Variants in CTNNA2 observed in about 807,000 individuals in gnomAD.
CTNNA2 encodes catenin alpha-2.
CTNNA2 carries 42 observed loss-of-function variants against 101.0 expected under a neutral mutation model. That is an observed-to-expected ratio of 0.42 (90% CI 0.32 to 0.54). CTNNA2 has a LOEUF of 0.54. CTNNA2 is among the 20% of genes least tolerant of loss of function. The probability of loss-of-function intolerance (pLI) is 0.14; values close to 1 mark genes in which losing one functional copy is unlikely to be tolerated. For missense variants in CTNNA2, 871 were observed against 1,223.1 expected (o/e 0.71, Z 4.29); for synonymous variants, 450 against 456.4 (o/e 0.99, Z 0.18).
intron 4 of CTNNA2, among the ~76,000 whole-genome samples, chr2:79,389,400 C>T (rs980576619): frequency 6.6e-6 from 1 of 152,174 alleles, no homozygotes; most frequent in Admixed American, 6.6e-5. Flanking sequence ...AAATTAACTA[C>T]TGCACTTCAC....
At position 79,886,522 on chromosome 2, in the gene CTNNA2, C is replaced by T. The variant is rs571031137; in HGVS notation, c.852+12180C>T. On this transcript the variant is annotated intron_variant, in intron 6 of 18. Transcript: ENST00000402739. ...ATCCCAGCACTTTGGGAGGCCGAGGCGGGCGGATCACGAGGTCAGGAGATC... is the reference window on the plus strand; with the variant it reads ...ATCCCAGCACTTTGGGAGGCCGAGGTGGGCGGATCACGAGGTCAGGAGATC... 1.1e-4 allele frequency among the ~76,000 whole-genome samples: 17 copies of T among 151,632 alleles called. No individual in the cohort carries two copies. The South Asian group carries it at 2.1e-3, about 19-fold the overall frequency.
intron 18 of CTNNA2, among the ~76,000 whole-genome samples, chr2:80,625,496 T>G (rs1671589123): frequency 6.6e-6 from 1 of 150,426 alleles, no homozygotes; most frequent in African/African-American, 2.5e-5. Context: ...TCAGGAAGAC[T>G]TCTTTGATAT....
At chr2:79,293,406 T>C (rs112270032) in intron 2 of CTNNA2, 3 of 152,154 alleles carry the variant, frequency 2.0e-5, no homozygotes, top group Non-Finnish European at 2.9e-5. Flanking sequence ...TTAAGAAATA[T>C]GAGAAAAACA....
At chr2:79,754,904 AG>A (rs1558900575) in intron 3 of CTNNA2, among the ~76,000 whole-genome samples, 1 of 152,166 alleles carries the variant, frequency 6.6e-6, no homozygotes. Context: ...ATTCTAGGAC[AG>A]AAAATGGGGA....
Position 79,432,186 on chromosome 2 carries a change from C to T in CTNNA2, c.-135+58173C>T, listed in dbSNP as rs150377337. On this transcript the variant is annotated intron_variant, in intron 4 of 21. Coordinates refer to the CTNNA2 transcript ENST00000466387. The stretch of plus-strand genomic sequence containing the variant: ...ATTTCTTCAAAAGCTCCAAAGATGG[C>T]TTATAATACTAGGATGGAACGACAA... Among the ~76,000 whole-genome samples the T allele has an allele frequency of 1.6e-4, 25 of 152,240 alleles. 1 individual carries two copies. In the East Asian group the frequency reaches 4.5e-3, roughly 27 times the overall value.
chr2:79,699,800 C>A (rs955558462), intron 2 of CTNNA2, among the ~76,000 whole-genome samples: 2 of 121,318 alleles, frequency 1.6e-5, no homozygotes, highest in Non-Finnish European at 3.7e-5. Flanking sequence ...CACACACACA[C>A]ACACACACAC....
chr2:80,576,590 T>C (rs1695069092), intron 13 of CTNNA2, among the ~76,000 whole-genome samples: 1 of 151,964 alleles, frequency 6.6e-6, no homozygotes, highest in Non-Finnish European at 1.5e-5. Flanking sequence ...CTAGGAGAAA[T>C]ACAGGGTTAG....
intron 1 of CTNNA2, among the ~76,000 whole-genome samples, chr2:79,529,066 AT>A (rs1478858234): frequency 6.6e-6 from 1 of 152,204 alleles, no homozygotes; most frequent in Non-Finnish European, 1.5e-5. Context: ...CTTGAAGAAC[AT>A]GTAAAACTTT....
chr2:80,161,180 T>C (rs1186126687), intron 7 of CTNNA2, among the ~76,000 whole-genome samples: 1 of 152,122 alleles, frequency 6.6e-6, no homozygotes, highest in Admixed American at 6.5e-5. Flanking sequence ...CACACCCAGC[T>C]AATTTTTGTA....
Position 80,303,592 on chromosome 2 carries a change from G to T in CTNNA2, c.1057-89619G>T, listed in dbSNP as rs529044191. ...ACTGGCCGGCGCGCAGCTCCGAGAGGCTGTTGTAGCGCAGGGACAAGCCCA... is the reference window on the plus strand; with the variant it reads ...ACTGGCCGGCGCGCAGCTCCGAGAGTCTGTTGTAGCGCAGGGACAAGCCCA... On this transcript the variant is annotated intron_variant, in intron 7 of 18. Transcript: ENST00000402739. This position sits in a 1 kb window ranked among gnomAD's most constrained non-coding sequence, Gnocchi z 7.7. 3.5e-5 allele frequency: 57 copies of T among 1,614,220 alleles called. No individual in the cohort carries two copies. The East Asian group carries it at 1.1e-3, about 32-fold the overall frequency.
chr2:80,163,198 G>A (rs576674790), intron 7 of CTNNA2: 4 of 1,247,856 alleles, frequency 3.2e-6, no homozygotes, highest in Non-Finnish European at 4.7e-6. Context: ...TCATTTCAAG[G>A]TTGCCCACAA....
At chr2:80,598,986 A>G (rs1319374313) in intron 15 of CTNNA2, among the ~76,000 whole-genome samples, 2 of 152,162 alleles carry the variant, frequency 1.3e-5, no homozygotes, top group Admixed American at 1.3e-4. Flanking sequence ...AAAAATAGTG[A>G]AAGATGAATA....
intron 4 of CTNNA2, among the ~76,000 whole-genome samples, chr2:79,421,732 T>A (rs1251267987): frequency 2.0e-5 from 3 of 152,080 alleles, no homozygotes; most frequent in Admixed American, 2.0e-4. Flanking sequence ...TTTCCACTTC[T>A]TTGAAGTGGA....
At chr2:80,008,797 T>C (rs1015469941) in intron 7 of CTNNA2, among the ~76,000 whole-genome samples, 14 of 152,222 alleles carry the variant, frequency 9.2e-5, no homozygotes, top group African/African-American at 2.7e-4. Context: ...AGATAACTTA[T>C]GTAAACAACA....
intron 9 of CTNNA2, among the ~76,000 whole-genome samples, chr2:80,421,536 T>A (rs530326080): frequency 6.6e-5 from 10 of 152,332 alleles, no homozygotes; most frequent in African/African-American, 2.2e-4. Flanking sequence ...TTATTCTGTC[T>A]TTAGGTTCCA....
At chr2:79,221,153 T>G (rs543323917) in intron 2 of CTNNA2, among the ~76,000 whole-genome samples, 2,325 of 152,206 alleles carry the variant, frequency 0.015, 21 homozygotes, top group Middle Eastern at 0.02. Context: ...TTGTTTTGTT[T>G]TTGTTGTTGT....
At position 80,493,048 on chromosome 2, in the gene CTNNA2, G is replaced by C. The variant is rs115368986; in HGVS notation, c.1291-51934G>C. ...GTACATAGCAGCTGAAAGAAGGTTG[G>C]ATAAGTGGATAAGTGGTCTTCATGA... On this transcript the variant is annotated intron_variant, in intron 9 of 18. Coordinates refer to ENST00000402739, the MANE Select transcript of CTNNA2 (RefSeq NM_001282597.3). Among the ~76,000 whole-genome samples, 910 of 152,286 alleles carry C rather than the reference G, an allele frequency of 6.0e-3. 3 individuals are homozygous for C. Among genetic ancestry groups the C allele is most frequent in the African/African-American group, 0.019 (810 of 41,566 alleles).
chr2:79,682,075 CT>C lies in CTNNA2; in HGVS notation c.102+30422del, dbSNP rs34294187. 1.3e-3 allele frequency among the ~76,000 whole-genome samples: 205 copies of C among 152,198 alleles called. 1 individual carries two copies. The highest frequency in any genetic ancestry group is 1.5e-3 in the Non-Finnish European group (99 of 68,014). ...TTCTTGTATGAAACAATCTTTAAAA[CT>C]TTTTAGGCTGAATATTTATACCTAA... On this transcript the variant is annotated intron_variant, in intron 2 of 18. Coordinates refer to ENST00000402739, the MANE Select transcript of CTNNA2 (RefSeq NM_001282597.3).
intron 2 of CTNNA2, among the ~76,000 whole-genome samples, chr2:79,662,085 A>G (rs1248183628): frequency 6.6e-6 from 1 of 151,580 alleles, no homozygotes; most frequent in East Asian, 2.0e-4. Flanking sequence ...CAGAAGATGG[A>G]ACAGATGTTT....
Sources: allele counts gnomAD v4.1 joint callset (sites outside exome capture counted in the v4.1 genomes callset), GRCh38; gene constraint gnomAD v4.1.1; non-coding constraint Gnocchi (gnomAD v3.1); transcripts MANE v1.5; gene names NCBI Gene and HGNC (gene_info 2026-07-23, HGNC 2026-07-21).